APBA1: variants seen among roughly 807,000 people sequenced by gnomAD.
APBA1 encodes amyloid beta precursor protein binding family A member 1.
A neutral mutation model predicts 86.6 loss-of-function variants in APBA1; 55 were observed. That is an observed-to-expected ratio of 0.64 (90% CI 0.51 to 0.80). The LOEUF is 0.80. Among genes scored for constraint, APBA1 ranks in the 30% least tolerant of loss-of-function variants. The pLI is 0.00. For synonymous variants in APBA1, 511 were observed against 493.9 expected (o/e 1.03, Z -0.46); for missense variants, 1,090 against 1,183.0 (o/e 0.92, Z 1.15).
chr9:69,494,344 T>C (rs1835762049), intron 2 of APBA1: 1 of 152,126 alleles, frequency 6.6e-6, no homozygotes, highest in Non-Finnish European at 1.5e-5. Flanking sequence ...ATCTATAGGT[T>C]GAAGACCTGG....
At chr9:69,467,743 G>A (rs1212514853) in intron 5 of APBA1, 80 bp downstream of exon 5, 1 of 1,541,520 alleles carries the variant, frequency 6.5e-7, no homozygotes, top group Non-Finnish European at 8.9e-7. Context: ...AACTATATGT[G>A]GAGTTGTGGC....
chr9:69,561,500 T>C (rs1287284549), intron 1 of APBA1, among the ~76,000 whole-genome samples: 1 of 152,202 alleles, frequency 6.6e-6, no homozygotes, highest in African/African-American at 2.4e-5. Context: ...AAATAAATCA[T>C]GCTACATAAC....
At chr9:69,456,193 C>T in intron 8 of APBA1, 54 bp downstream of exon 8, 2 of 1,585,130 alleles carry the variant, frequency 1.3e-6, no homozygotes, top group Admixed American at 1.7e-5. Flanking sequence ...GAATCAGGTT[C>T]TGAGAAGTCA....
intron 1 of APBA1, among the ~76,000 whole-genome samples, chr9:69,663,427 G>C (rs899355108): frequency 6.6e-6 from 1 of 152,160 alleles, no homozygotes; most frequent in African/African-American, 2.4e-5. Flanking sequence ...GCCAATGTAG[G>C]GGGTAATTAT....
At chr9:69,589,255 G>A (rs1487258723) in intron 1 of APBA1, among the ~76,000 whole-genome samples, 2 of 152,088 alleles carry the variant, frequency 1.3e-5, no homozygotes, top group Non-Finnish European at 2.9e-5. Context: ...TGCTCCCGGT[G>A]TGTCTCATTC....
At chr9:69,493,446 C>G (rs1212081910) in intron 2 of APBA1, among the ~76,000 whole-genome samples, 2 of 152,006 alleles carry the variant, frequency 1.3e-5, no homozygotes, top group African/African-American at 4.8e-5. Context: ...TTTCATACAG[C>G]CTTCTTAGAT....
At chr9:69,668,731 C>T (rs1030144) in intron 1 of APBA1, among the ~76,000 whole-genome samples, 8,584 of 152,182 alleles carry the variant, frequency 0.056, 282 homozygotes, top group South Asian at 0.11. Flanking sequence ...GCATTCCTAG[C>T]GCTTCAGCCA....
At chr9:69,566,992 G>A (rs1305651104) in intron 1 of APBA1, among the ~76,000 whole-genome samples, 2 of 152,132 alleles carry the variant, frequency 1.3e-5, no homozygotes, top group Non-Finnish European at 2.9e-5. Flanking sequence ...CCAATTAGAT[G>A]TGCAACAAAT....
intron 2 of APBA1, among the ~76,000 whole-genome samples, chr9:69,511,944 G>A (rs979009800): frequency 6.6e-6 from 1 of 151,368 alleles, no homozygotes; most frequent in Non-Finnish European, 1.5e-5. Flanking sequence ...TAGGGGGGAG[G>A]GATAGCATTG....
chr9:69,567,241 C>G (rs948574143), intron 1 of APBA1, among the ~76,000 whole-genome samples: 2 of 152,038 alleles, frequency 1.3e-5, no homozygotes, highest in Non-Finnish European at 2.9e-5. Flanking sequence ...CAGACACCTG[C>G]CAGAGAGAGA....
intron 2 of APBA1, among the ~76,000 whole-genome samples, chr9:69,494,844 G>T (rs1835770726): frequency 6.6e-6 from 1 of 152,128 alleles, no homozygotes; most frequent in South Asian, 2.1e-4. Context: ...ACCATTTACA[G>T]AAGGCTTACT....
intron 5 of APBA1, chr9:69,463,834 AT>A (rs1294630873): frequency 1.3e-5 from 2 of 152,164 alleles, no homozygotes; most frequent in Non-Finnish European, 2.9e-5. Context: ...GAAATTACTA[AT>A]CAGATTGGGG....
At chr9:69,662,718 G>A (rs1823775021) in intron 1 of APBA1, among the ~76,000 whole-genome samples, 1 of 152,140 alleles carries the variant, frequency 6.6e-6, no homozygotes, top group African/African-American at 2.4e-5. Context: ...AACTCTAGAG[G>A]CTAAGAGACA....
chr9:69,572,855 C>A (rs1837137970), intron 1 of APBA1, among the ~76,000 whole-genome samples: 1 of 152,150 alleles, frequency 6.6e-6, no homozygotes, highest in Non-Finnish European at 1.5e-5. Flanking sequence ...TACTCATCTT[C>A]AAAAAATATG....
chr9:69,537,562 G>A (rs1836533095), intron 1 of APBA1, among the ~76,000 whole-genome samples: 1 of 152,120 alleles, frequency 6.6e-6, no homozygotes, highest in African/African-American at 2.4e-5. Context: ...AAGGAGGGAA[G>A]GAGGGTCGGG....
chr9:69,534,067 A>G (rs1355712267), intron 1 of APBA1, among the ~76,000 whole-genome samples: 1 of 152,274 alleles, frequency 6.6e-6, no homozygotes, highest in Non-Finnish European at 1.5e-5. Flanking sequence ...ATGTCAAAGC[A>G]AGGGAAAGTA....
At chr9:69,485,478 G>T (rs1835592437) in intron 2 of APBA1, among the ~76,000 whole-genome samples, 1 of 152,032 alleles carries the variant, frequency 6.6e-6, no homozygotes, top group African/African-American at 2.4e-5. Context: ...CAAAATTTAG[G>T]CAATGAAATG....
At position 69,576,342 on chromosome 9, in the gene APBA1, C is replaced by G. The variant is rs147844460; in HGVS notation, c.-69-59063G>C. ...GAACTAGAAATACCATTTGACCCAG[C>G]CATCCCATTACTGGGTATATACTAA... On this transcript the variant is annotated intron_variant, in intron 1 of 12. Transcript: ENST00000265381. Among the ~76,000 whole-genome samples, 62 of 152,282 alleles carry G rather than the reference C, an allele frequency of 4.1e-4. No homozygotes were observed. In the East Asian group the frequency reaches 9.5e-3, roughly 23 times the overall value.
chr9:69,516,403 T>G lies in APBA1; in HGVS notation c.808A>C (p.Ile270Leu). 6.2e-7 allele frequency: 1 copy of G among 1,604,608 alleles called. No individual in the cohort carries two copies. The highest frequency in any genetic ancestry group is 1.1e-5 in the South Asian group (1 of 90,998). The change falls in exon 2 of 13, where the codon ATC (isoleucine) becomes CTC (leucine). Residue 270 changes from isoleucine to leucine, a missense_variant. Coordinates refer to ENST00000265381, the MANE Select transcript of APBA1 (RefSeq NM_001163.4). This position sits in a 1 kb window ranked among gnomAD's most constrained non-coding sequence, Gnocchi z 7.3. ...TTCACCTCGGCCACTATCTGGTCGA[T>G]GTCCTCCTCCTGCTCGTAGCTGTCC... ...RMDSYEQEED[I>L]DQIVAEVKQS...
Sources: gnomAD v4.1 joint callset for allele counts (sites outside exome capture counted in the v4.1 genomes callset) on GRCh38, gnomAD v4.1.1 for gene constraint, Gnocchi (gnomAD v3.1) non-coding constraint, MANE v1.5 for transcripts, NCBI Gene and HGNC (gene_info 2026-07-23, HGNC 2026-07-21) for gene names.